The following TIAL1 variants were observed in gnomAD, a reference collection of about 807,000 sequenced individuals.
TIAL1 encodes nucleolysin TIAR.
Under a neutral mutation model 59.7 loss-of-function variants are expected in TIAL1, and 7 were observed. The observed-to-expected ratio is 0.12, with a 90% CI of 0.07 to 0.22. The LOEUF (loss-of-function observed/expected upper bound fraction) is 0.22, where lower values mean the gene tolerates loss of function less well. Among genes scored for constraint, TIAL1 ranks in the 10% least tolerant of loss-of-function variants. The pLI is 1.00. For missense variants in TIAL1, 225 were observed against 462.5 expected (o/e 0.49, Z 4.71); for synonymous variants, 149 against 146.3 (o/e 1.02, Z -0.13).
chr10:119,596,107 TC>T (rs1315274188), intron 1 of TIAL1, among the ~76,000 whole-genome samples: 1 of 143,376 alleles, frequency 7.0e-6, no homozygotes, highest in East Asian at 2.3e-4. Context: ...GCCCAGGGCG[TC>T]CAACGCGGAG....
chr10:119,592,862 G>A (rs1845957454), intron 1 of TIAL1, among the ~76,000 whole-genome samples: 1 of 152,050 alleles, frequency 6.6e-6, no homozygotes, highest in South Asian at 2.1e-4. Flanking sequence ...CTTGATTATA[G>A]CCACAGTATA....
At chr10:119,592,907 T>C (rs928359993) in intron 1 of TIAL1, among the ~76,000 whole-genome samples, 2 of 152,208 alleles carry the variant, frequency 1.3e-5, no homozygotes, top group African/African-American at 2.4e-5. Flanking sequence ...AATTTTGTAA[T>C]AGTTTATAGA....
At position 119,596,682 on chromosome 10, in the gene TIAL1, G is replaced by A; in HGVS notation, c.-217C>T. ...GAGGAGGATGAACAAAATGGCCGCCGCCACCAGCCAGGCAGGAAACAGGGC... is the reference window on the plus strand; with the variant it reads ...GAGGAGGATGAACAAAATGGCCGCCACCACCAGCCAGGCAGGAAACAGGGC... On this transcript the variant is annotated 5_prime_UTR_variant, in exon 1 of 12. Transcript: ENST00000436547. 2 of 587,366 alleles carry A rather than the reference G, an allele frequency of 3.4e-6. No individual in the cohort carries two copies. Among genetic ancestry groups the A allele is most frequent in the South Asian group, 2.0e-5 (1 of 50,184 alleles). The allele number at this position is 587,366 out of a possible 1,614,324, so 36.4% of individuals were successfully genotyped here. A position where few individuals can be genotyped will look rare whatever the true frequency, so the allele number is the denominator to read the frequency against.
intron 6 of TIAL1, among the ~76,000 whole-genome samples, chr10:119,579,635 A>G (rs1329739884): frequency 6.6e-6 from 1 of 152,218 alleles, no homozygotes; most frequent in East Asian, 1.9e-4. Context: ...CTAAATTCTC[A>G]GATTAGCTCA....
intron 2 of TIAL1, among the ~76,000 whole-genome samples, chr10:119,584,930 C>T (rs1450822409): frequency 1.3e-5 from 2 of 151,670 alleles, no homozygotes; most frequent in Admixed American, 6.6e-5. Flanking sequence ...TATGGTGAAA[C>T]CTTGTCTCTA....
At chr10:119,593,632 A>G (rs1845999307) in intron 1 of TIAL1, 2 of 259,782 alleles carry the variant, frequency 7.7e-6, no homozygotes, top group Non-Finnish European at 1.2e-5. Flanking sequence ...CCTAATCCAT[A>G]GCTCACAATG....
Position 119,578,431 on chromosome 10 carries a change from C to T in TIAL1, c.556+295G>A, listed in dbSNP as rs80259810. Among the ~76,000 whole-genome samples the T allele has an allele frequency of 9.8e-3, 1,493 of 151,962 alleles. 46 individuals are homozygous for T. The South Asian group carries it at 0.1, about 10-fold the overall frequency. On this transcript the variant is annotated intron_variant, in intron 7 of 11. Transcript: ENST00000436547. ...GTCTTGCAACACTAATTAAATACTA[C>T]GTCAGCCTGGACAACGTAACCAGAC...
Position 119,596,607 on chromosome 10 carries a change from C to T in TIAL1, c.-142G>A. ...CCGAACCCTGCTCTCGGGCTCTCTCCCCCCAGCCCGCTCCGGACACTGCGC... is the reference window on the plus strand; with the variant it reads ...CCGAACCCTGCTCTCGGGCTCTCTCTCCCCAGCCCGCTCCGGACACTGCGC... On this transcript the variant is annotated 5_prime_UTR_variant, in exon 1 of 12. Coordinates refer to ENST00000436547, the MANE Select transcript of TIAL1 (RefSeq NM_003252.4). The T allele has an allele frequency of 1.5e-6, 1 of 667,290 alleles. No homozygotes were observed. The highest frequency in any genetic ancestry group is 2.5e-6 in the Non-Finnish European group (1 of 394,044). 41.3% of individuals were successfully genotyped at this position (667,290 alleles called of 1,614,324 possible). A position where few individuals can be genotyped will look rare whatever the true frequency, so the allele number is the denominator to read the frequency against.
intron 1 of TIAL1, among the ~76,000 whole-genome samples, chr10:119,589,909 T>C (rs1301777064): frequency 6.6e-6 from 1 of 152,110 alleles, no homozygotes; most frequent in African/African-American, 2.4e-5. Flanking sequence ...AGTAGATTTC[T>C]TTTTCTACTT....
chr10:119,580,396 C>T, intron 5 of TIAL1: 1 of 581,538 alleles, frequency 1.7e-6, no homozygotes, highest in Non-Finnish European at 2.2e-6. Context: ...TAAATGTCTT[C>T]TGCCTAGTGA....
chr10:119,591,890 TTTTA>T (rs1845904240), intron 1 of TIAL1: 1 of 152,198 alleles, frequency 6.6e-6, no homozygotes, highest in African/African-American at 2.4e-5. Context: ...TACTATTCTA[TTTTA>T]AGTACTTTTA....
rs1351398790 is a variant in TIAL1 at position 119,577,082 on chromosome 10, G to T, written c.859C>A (p.Gln287Lys). The T allele has an allele frequency of 1.9e-6, 3 of 1,613,478 alleles. No homozygotes were observed. In the South Asian group the frequency reaches 3.3e-5, roughly 18 times the overall value. Residue 287 changes from glutamine to lysine, a missense_variant and splice_region_variant, in exon 10 of 12, where the codon CAG becomes AAG. Physicochemically the swap from Gln to Lys is moderately conservative, Grantham distance 53. Around this residue, in one of 4 missense-constraint regions of TIAL1, gnomAD observed 80 missense variants for 158.8 expected, o/e 0.50. Transcript: ENST00000436547. ...AATGCTATGAAAAATCGAATTACCT[G>T]TTGGAAGTTTTTAGTCATATCAGGA... The part of the protein sequence containing the change: ...ESPDMTKNFQ[Q>K]VDYSQWGQWS...
Position 119,581,882 on chromosome 10 carries a change from G to A in TIAL1, c.371+40C>T, listed in dbSNP as rs868323455. ...TTACAAGTTAATCATATACAATTCTGCCTATCATGACTGAGTGTAGTACTG... is the reference window on the plus strand; with the variant it reads ...TTACAAGTTAATCATATACAATTCTACCTATCATGACTGAGTGTAGTACTG... On this transcript the variant is annotated intron_variant, in intron 5 of 11. Transcript: ENST00000436547. 5 of 1,391,338 alleles carry A rather than the reference G, an allele frequency of 3.6e-6. No homozygotes were observed. In the African/African-American group the frequency reaches 5.7e-5, roughly 16 times the overall value. The allele number at this position is 1,391,338 out of a possible 1,614,324, so 86.2% of individuals were successfully genotyped here.
chr10:119,582,373 G>A lies in TIAL1; in HGVS notation c.228+86C>T. 1.3e-6 allele frequency: 2 copies of A among 1,501,196 alleles called. No individual in the cohort carries two copies. Among genetic ancestry groups the A allele is most frequent in the Non-Finnish European group, 1.8e-6 (2 of 1,124,322 alleles). 93.0% of individuals were successfully genotyped at this position (1,501,196 alleles called of 1,614,324 possible). On this transcript the variant is annotated intron_variant, in intron 3 of 11. Coordinates refer to ENST00000436547, the MANE Select transcript of TIAL1 (RefSeq NM_003252.4). This position sits in a 1 kb window ranked among gnomAD's most constrained non-coding sequence, Gnocchi z 5.1. The stretch of plus-strand genomic sequence containing the variant: ...ACCATCACTCAGCAGCCGAATATCT[G>A]CTCAAAAATTTGCCTAGAAAGAATA...
intron 1 of TIAL1, among the ~76,000 whole-genome samples, chr10:119,588,600 T>G (rs1301717999): frequency 6.6e-6 from 1 of 152,214 alleles, no homozygotes; most frequent in East Asian, 1.9e-4. Flanking sequence ...CGCCTTGGCC[T>G]CCCAAAGTGC....
At chr10:119,580,825 C>T in intron 5 of TIAL1, 1 of 1,238,926 alleles carries the variant, frequency 8.1e-7, no homozygotes, top group Non-Finnish European at 1.0e-6. Context: ...CTTCAAGATC[C>T]TGTCCATTCT....
rs1844881438 is a variant in TIAL1 at position 119,574,602 on chromosome 10, A to AAAAAAAC, written c.*1062_*1063insGTTTTTT. 5 of 148,378 alleles carry AAAAAAAC rather than the reference A, an allele frequency of 3.4e-5. No individual in the cohort carries two copies. The highest frequency in any genetic ancestry group is 1.0e-4 in the African/African-American group (4 of 39,326). The allele number at this position is 148,378 out of a possible 1,614,324, so 9.2% of individuals were successfully genotyped here. ...AATGTAAAGCAAAAAAAAAAAAAAA[A>AAAAAAAC]AAAAACAAAAACAAAAAACTAATTC... On this transcript the variant is annotated 3_prime_UTR_variant, in exon 12 of 12. Transcript: ENST00000436547.
At chr10:119,575,914 CA>C in intron 11 of TIAL1, 123 bp from the exon 12 acceptor site, 2 of 891,760 alleles carry the variant, frequency 2.2e-6, no homozygotes, top group Non-Finnish European at 3.2e-6. Context: ...ACACCTACAA[CA>C]AATAGAAAGA....
chr10:119,583,152 T>C (rs1845379395), intron 2 of TIAL1, among the ~76,000 whole-genome samples: 2 of 152,296 alleles, frequency 1.3e-5, no homozygotes, highest in South Asian at 4.1e-4. Flanking sequence ...AACCAGCTAC[T>C]GAAATGAATT....
Sources: gnomAD v4.1 joint callset for allele counts (sites outside exome capture counted in the v4.1 genomes callset) on GRCh38, gnomAD v4.1.1 for gene constraint, gnomAD v4.1.1 regional missense constraint, Gnocchi (gnomAD v3.1) non-coding constraint, MANE v1.5 for transcripts, NCBI Gene and HGNC (gene_info 2026-07-23, HGNC 2026-07-21) for gene names.